The following ZNF215 variants were observed in gnomAD, a reference collection of about 807,000 sequenced individuals.
ZNF215 encodes the protein zinc finger protein 215.
A neutral mutation model predicts 27.2 loss-of-function variants in ZNF215; 24 were observed. The ratio of observed to expected loss-of-function variants is 0.88; its 90% confidence interval spans 0.64 to 1.24. ZNF215 has a LOEUF of 1.24. Among genes scored for constraint, ZNF215 ranks in the 50% most tolerant of loss-of-function variants. The pLI is 0.00. For missense variants in ZNF215, 675 were observed against 605.7 expected, an observed-to-expected ratio of 1.11 and a Z score of -1.20; for synonymous variants, 210 against 204.0, an observed-to-expected ratio of 1.03 and a Z score of -0.25.
intron 6 of ZNF215, among the ~76,000 whole-genome samples, chr11:6,946,297 A>G (rs1849812220): frequency 6.6e-6 from 1 of 152,158 alleles, no homozygotes; most frequent in South Asian, 2.1e-4. Context: ...TTTAAATACT[A>G]TATTGATTTC....
chr11:6,958,880 C>G (rs995462275), downstream of ZNF215, among the ~76,000 whole-genome samples: 1 of 152,182 alleles, frequency 6.6e-6, no homozygotes, highest in African/African-American at 2.4e-5. Context: ...GGCTGGAAGA[C>G]TAAGCCAGTC....
chr11:6,981,467 T>C (rs1850950623), intron 5 of ZNF215, among the ~76,000 whole-genome samples: 1 of 152,206 alleles, frequency 6.6e-6, no homozygotes, highest in Admixed American at 6.5e-5. Context: ...GTTTGTTTCT[T>C]CTTGTAAATT....
chr11:6,934,278 T>C (rs1269188911), intron 3 of ZNF215, among the ~76,000 whole-genome samples: 1 of 152,218 alleles, frequency 6.6e-6, no homozygotes, highest in Non-Finnish European at 1.5e-5. Flanking sequence ...CACATTAAGA[T>C]GAATTTTAAA....
intron 6 of ZNF215, among the ~76,000 whole-genome samples, chr11:6,945,542 A>G (rs1044116993): frequency 1.3e-5 from 2 of 152,190 alleles, no homozygotes; most frequent in Non-Finnish European, 2.9e-5. Flanking sequence ...TAAAGTTTTT[A>G]ATGACTTCAT....
chr11:6,977,431 C>T (rs955666341), intron 5 of ZNF215, among the ~76,000 whole-genome samples: 3 of 152,014 alleles, frequency 2.0e-5, no homozygotes, highest in South Asian at 4.2e-4. Flanking sequence ...CTGTACTATC[C>T]GAGGTTTCAG....
intron 5 of ZNF215, among the ~76,000 whole-genome samples, chr11:6,979,547 G>A (rs1290597604): frequency 6.6e-6 from 1 of 151,936 alleles, no homozygotes; most frequent in African/African-American, 2.4e-5. Flanking sequence ...CCAATTAAAA[G>A]GAGGAACTAT....
chr11:6,991,728 T>C (rs749504794), downstream of ZNF215, among the ~76,000 whole-genome samples: 6 of 152,240 alleles, frequency 3.9e-5, no homozygotes, highest in Non-Finnish European at 7.3e-5. Context: ...TGATTTTGTG[T>C]CCAAATTCTA....
chr11:6,950,823 C>G (rs371707824), intron 6 of ZNF215, among the ~76,000 whole-genome samples: 15,571 of 130,044 alleles, frequency 0.12, 1,248 homozygotes, highest in Middle Eastern at 0.17. Flanking sequence ...TTTTCAAAGG[C>G]AATGCTTCCA....
At chr11:6,960,511 C>T (rs1246748484), downstream of ZNF215, among the ~76,000 whole-genome samples, 2 of 152,182 alleles carry the variant, frequency 1.3e-5, no homozygotes, top group Non-Finnish European at 2.9e-5. Context: ...TCAGCAGCAT[C>T]AACAATCACT....
intron 6 of ZNF215, among the ~76,000 whole-genome samples, chr11:6,948,878 T>G (rs1849929436): frequency 6.7e-6 from 1 of 149,056 alleles, no homozygotes; most frequent in Admixed American, 6.7e-5. Flanking sequence ...TGGGTATATC[T>G]CCTAATGCTA....
chr11:6,983,939 T>G (rs1348654736), intron 5 of ZNF215, among the ~76,000 whole-genome samples: 2 of 152,128 alleles, frequency 1.3e-5, no homozygotes, highest in African/African-American at 4.8e-5. Context: ...ATTTAAAGAA[T>G]TATAAAGTTT....
intron 6 of ZNF215, among the ~76,000 whole-genome samples, chr11:6,952,311 T>A (rs1202778406): frequency 3.3e-5 from 5 of 152,180 alleles, no homozygotes; most frequent in Admixed American, 3.3e-4. Context: ...GTCTTGTTGA[T>A]CTATCTAATG....
At chr11:6,937,779 G>T (rs1849488883) in intron 3 of ZNF215, among the ~76,000 whole-genome samples, 3 of 151,790 alleles carry the variant, frequency 2.0e-5, no homozygotes, top group Admixed American at 1.3e-4. Flanking sequence ...ATATTGCTGG[G>T]ACCCCTTGAT....
At chr11:6,970,348 C>G (rs1850697010) in intron 5 of ZNF215, among the ~76,000 whole-genome samples, 1 of 152,152 alleles carries the variant, frequency 6.6e-6, no homozygotes, top group African/African-American at 2.4e-5. Flanking sequence ...TTAACCAAGT[C>G]CAATGTTTTG....
chr11:6,979,533 T>C (rs115087737), intron 5 of ZNF215, among the ~76,000 whole-genome samples: 3 of 152,008 alleles, frequency 2.0e-5, no homozygotes, highest in South Asian at 4.1e-4. Context: ...ATAAGCCAAA[T>C]AGTCCAATTA....
Position 6,957,166 on chromosome 11 carries a change from C to T in ZNF215, c.*635C>T, listed in dbSNP as rs1850393210. On this transcript the variant is annotated 3_prime_UTR_variant, in exon 7 of 7. Transcript: ENST00000278319. ...AATCTATATGTATTCTTAAAATCTG[C>T]ATTTGTTTATAGCAGGTCCTTGAAA... 3.0e-6 allele frequency: 3 copies of T among 985,256 alleles called. No homozygotes were observed. Among genetic ancestry groups the T allele is most frequent in the South Asian group, 4.7e-5 (1 of 21,280 alleles). The allele number at this position is 985,256 out of a possible 1,614,324, so 61.0% of individuals were successfully genotyped here.
downstream of ZNF215, among the ~76,000 whole-genome samples, chr11:6,961,906 T>G (rs569607049): frequency 1.5e-3 from 233 of 152,262 alleles, 1 homozygote; most frequent in Non-Finnish European, 2.4e-3. Flanking sequence ...TGCCAATGTT[T>G]CCCCAACAGA....
downstream of ZNF215, among the ~76,000 whole-genome samples, chr11:6,992,259 GCC>G (rs1851124376): frequency 6.6e-6 from 1 of 152,292 alleles, no homozygotes; most frequent in East Asian, 1.9e-4. Flanking sequence ...GCTCAGCCTA[GCC>G]CAGATTTCAC....
chr11:6,936,890 C>T (rs1333152264), intron 3 of ZNF215, among the ~76,000 whole-genome samples: 1 of 127,060 alleles, frequency 7.9e-6, no homozygotes, highest in African/African-American at 2.9e-5. Flanking sequence ...CTTTTATGAC[C>T]AAAAAAAAAA....
Sources: gnomAD v4.1 joint callset for allele counts (sites outside exome capture counted in the v4.1 genomes callset) on GRCh38, gnomAD v4.1.1 for gene constraint, MANE v1.5 for transcripts, NCBI Gene and HGNC (gene_info 2026-07-23, HGNC 2026-07-21) for gene names.